The following PLEKHG4B variants were observed in gnomAD, a reference collection of about 807,000 sequenced individuals.
PLEKHG4B encodes pleckstrin homology and RhoGEF domain containing G4B, also known as pleckstrin homology domain-containing family G member 4B.
PLEKHG4B carries 111 observed loss-of-function variants against 121.3 expected under a neutral mutation model. The ratio of observed to expected loss-of-function variants is 0.92; its 90% confidence interval spans 0.78 to 1.07. The LOEUF is 1.07. Ranked by LOEUF, PLEKHG4B falls within the 50% of genes least tolerant of loss-of-function variation. PLEKHG4B has a pLI of 0.00. For missense variants in PLEKHG4B, 1,831 were observed against 1,757.8 expected (o/e 1.04, Z -0.74); for synonymous variants, 738 against 725.0 (o/e 1.02, Z -0.29).
Position 140,695 on chromosome 5 carries a change from C to T in PLEKHG4B, c.1456C>T (p.Pro486Ser). 3 of 1,578,652 alleles carry T rather than the reference C, an allele frequency of 1.9e-6. No homozygotes were observed. The highest frequency in any genetic ancestry group is 2.6e-6 in the Non-Finnish European group (3 of 1,162,642). ...GTPNCVPVEG[P>S]GCTKEEDVLA... ...CCCAAACTGTGTCCCAGTAGAGGGT[C>T]CCGGCTGCACCAAAGAGGAAGGTAA... is the stretch of plus-strand genomic sequence containing the variant. Residue 486 changes from proline (P) to serine (S), a missense_variant, in exon 3 of 20, where the codon CCC (proline) becomes TCC (serine). Physicochemically the swap from Pro to Ser is moderately conservative, Grantham distance 74. Coordinates refer to ENST00000637938, the MANE Select transcript of PLEKHG4B (RefSeq NM_052909.5).
In PLEKHG4B at chr5:187,664, C is replaced by T. The variant is rs967141523; in HGVS notation, c.*5341C>T. 2.6e-5 allele frequency: 4 copies of T among 152,432 alleles called. No homozygotes were observed. Among genetic ancestry groups the T allele is most frequent in the Non-Finnish European group, 5.9e-5 (4 of 68,210 alleles). 9.4% of individuals were successfully genotyped at this position (152,432 alleles called of 1,614,324 possible). On this transcript the variant is annotated 3_prime_UTR_variant, in exon 20 of 20. Coordinates refer to ENST00000637938, the MANE Select transcript of PLEKHG4B (RefSeq NM_052909.5). ...GCCAAGGGGAGCTCACATCGCCTGG[C>T]CTGCCGCCACCACCAGGCTGCCTGA...
At chr5:109,215 C>CCCCA (rs1195410010) in intron 1 of PLEKHG4B, among the ~76,000 whole-genome samples, 5 of 151,924 alleles carry the variant, frequency 3.3e-5, no homozygotes, top group African/African-American at 1.2e-4. Context: ...CATGGTGAAA[C>CCCCA]CCCATCTCTA....
At position 163,323 on chromosome 5, in the gene PLEKHG4B, A is replaced by C; in HGVS notation, c.3251A>C (p.Gln1084Pro). Reference sequence around the variant, plus strand: ...CAGAAGAAAATGATAAAGAAAACGCAAAGTTTCGAGATACCTCAGCCCGAC... The same window carrying C: ...CAGAAGAAAATGATAAAGAAAACGCCAAGTTTCGAGATACCTCAGCCCGAC... ...HPQKKMIKKT[Q>P]SFEIPQPDSG... The change falls in exon 13 of 20, where the codon CAA becomes CCA. Residue 1084 changes from glutamine (Q) to proline (P), a missense_variant. By Grantham distance (76) the Gln-to-Pro change is moderately conservative. Coordinates refer to ENST00000637938, the MANE Select transcript of PLEKHG4B (RefSeq NM_052909.5). 2 of 1,613,426 alleles carry C rather than the reference A, an allele frequency of 1.2e-6. No homozygotes were observed. The highest frequency in any genetic ancestry group is 1.6e-4 in the Middle Eastern group (1 of 6,062).
intron 2 of PLEKHG4B, among the ~76,000 whole-genome samples, chr5:131,090 T>C (rs1264711136): frequency 2.0e-5 from 3 of 151,822 alleles, no homozygotes; most frequent in African/African-American, 7.3e-5. Context: ...CCCACGCCTC[T>C]GCAAGTTCCC....
chr5:140,081 C>G lies in PLEKHG4B; in HGVS notation c.842C>G (p.Ser281Cys), dbSNP rs1735108759. Residue 281 changes from serine to cysteine, a missense_variant, in exon 3 of 20, where the codon TCT becomes TGT. By Grantham distance (112) the Ser-to-Cys change is moderately radical (BLOSUM62 -1). Coordinates refer to ENST00000637938, the MANE Select transcript of PLEKHG4B (RefSeq NM_052909.5). Reference protein sequence around the residue: ...RAELGSPRTLSGSSDRDFEKV... With the variant: ...RAELGSPRTLCGSSDRDFEKV... ...GAGCTGGGAAGCCCCAGGACCCTGT[C>G]TGGAAGCTCAGACAGGGACTTCGAA... 2.1e-6 allele frequency: 1 copy of G among 473,580 alleles called. No individual in the cohort carries two copies. Among genetic ancestry groups the G allele is most frequent in the Non-Finnish European group, 3.7e-6 (1 of 271,624 alleles). 29.3% of individuals were successfully genotyped at this position (473,580 alleles called of 1,614,324 possible).
chr5:96,004 T>A (rs1289602148), intron 1 of PLEKHG4B, among the ~76,000 whole-genome samples: 1 of 152,256 alleles, frequency 6.6e-6, no homozygotes, highest in South Asian at 2.1e-4. Context: ...CATACTTCCC[T>A]GCATTCACTG....
intron 2 of PLEKHG4B, among the ~76,000 whole-genome samples, chr5:118,573 T>C (rs1207764785): frequency 2.0e-5 from 3 of 152,230 alleles, no homozygotes; most frequent in Non-Finnish European, 2.9e-5. Context: ...CTAACTTCAA[T>C]TAATATTTTA....
intron 1 of PLEKHG4B, among the ~76,000 whole-genome samples, chr5:100,871 A>G (rs1257072926): frequency 1.1e-4 from 12 of 112,798 alleles, no homozygotes; most frequent in Admixed American, 7.4e-4. Flanking sequence ...AGCCCTGGAA[A>G]AAGTCTGTAG....
Position 189,714 on chromosome 5 carries a change from A to T in PLEKHG4B, c.*7391A>T, listed in dbSNP as rs1425929619. 1 of 152,050 alleles carries T rather than the reference A, an allele frequency of 6.6e-6. No individual in the cohort carries two copies. Among genetic ancestry groups the T allele is most frequent in the Non-Finnish European group, 1.5e-5 (1 of 68,058 alleles). The allele number at this position is 152,050 out of a possible 1,614,324, so 9.4% of individuals were successfully genotyped here. A position where few individuals can be genotyped will look rare whatever the true frequency, so the allele number is the denominator to read the frequency against. On this transcript the variant is annotated 3_prime_UTR_variant, in exon 20 of 20. Coordinates refer to ENST00000637938, the MANE Select transcript of PLEKHG4B (RefSeq NM_052909.5). Reference sequence around the variant, plus strand: ...GAAGGGAAAACAGTAAGCGAGAGGGAGGCTGCAGGGGCCCAGACCTTGGCT... The same window carrying T: ...GAAGGGAAAACAGTAAGCGAGAGGGTGGCTGCAGGGGCCCAGACCTTGGCT...
intron 3 of PLEKHG4B, among the ~76,000 whole-genome samples, chr5:142,751 G>C (rs1735260301): frequency 6.6e-6 from 1 of 152,218 alleles, no homozygotes; most frequent in Non-Finnish European, 1.5e-5. Context: ...GCTGCACTTT[G>C]AGCAGATGAG....
At position 162,772 on chromosome 5, in the gene PLEKHG4B, C is replaced by T. The variant is rs144989952; in HGVS notation, c.2700C>T (p.Pro900=). The T allele has an allele frequency of 1.4e-4, 202 of 1,480,640 alleles. 1 individual carries two copies. Among genetic ancestry groups the T allele is most frequent in the Middle Eastern group, 1.9e-4 (1 of 5,200 alleles). The allele number at this position is 1,480,640 out of a possible 1,614,324, so 91.7% of individuals were successfully genotyped here. A position where few individuals can be genotyped will look rare whatever the true frequency, so the allele number is the denominator to read the frequency against. ...ACCCGGAGGCTTGTCCCTCCTCACC[C>T]GTGGCTGAGTGTTTGAGGAGCTGTC... ...PLDPEACPSS[P]VAECLRSCHQ... Residue 900 remains proline, a synonymous_variant, in exon 13 of 20, where the codon CCC becomes CCT. Coordinates refer to ENST00000637938, the MANE Select transcript of PLEKHG4B (RefSeq NM_052909.5).
intron 2 of PLEKHG4B, among the ~76,000 whole-genome samples, chr5:118,651 A>T (rs1393000874): frequency 6.6e-6 from 1 of 152,150 alleles, no homozygotes. Context: ...ACTTCCTCTC[A>T]TGAATCTTAA....
rs1266824125 is a variant in PLEKHG4B, at chr5:186,188, A to C, written c.*3865A>C. On this transcript the variant is annotated 3_prime_UTR_variant, in exon 20 of 20. Transcript: ENST00000637938. Reference sequence around the variant, plus strand: ...TGTGAAACAGAGGCTTCCTGCTGGCAGAAGAGGCCCACCGAGTTACGTCCA... The same window carrying C: ...TGTGAAACAGAGGCTTCCTGCTGGCCGAAGAGGCCCACCGAGTTACGTCCA... The C allele has an allele frequency of 6.6e-6, 1 of 152,176 alleles. No homozygotes were observed. Among genetic ancestry groups the C allele is most frequent in the Non-Finnish European group, 1.5e-5 (1 of 68,038 alleles). 9.4% of individuals were successfully genotyped at this position (152,176 alleles called of 1,614,324 possible). A position where few individuals can be genotyped will look rare whatever the true frequency, so the allele number is the denominator to read the frequency against.
intron 13 of PLEKHG4B, 39 bp from the exon 14 acceptor site, chr5:169,301 G>T (rs1215540365): frequency 2.5e-6 from 4 of 1,609,494 alleles, no homozygotes; most frequent in African/African-American, 1.3e-5. Flanking sequence ...AAGTGTCCGT[G>T]GGGGGCCGTG....
chr5:113,854 A>G lies in PLEKHG4B; in HGVS notation c.243+406A>G, dbSNP rs1734229692. On this transcript the variant is annotated intron_variant, in intron 2 of 19. Coordinates refer to ENST00000637938, the MANE Select transcript of PLEKHG4B (RefSeq NM_052909.5). This position sits in a 1 kb window ranked among gnomAD's most constrained non-coding sequence, Gnocchi z 5.2. ...CAATGAAGGCCCACCTGGAAGGGAT[A>G]GTAGTGAGAACCTCAGAGCTAAGTC... Among the ~76,000 whole-genome samples, 1 of 152,000 alleles carries G rather than the reference A, an allele frequency of 6.6e-6. No individual in the cohort carries two copies. Among genetic ancestry groups the G allele is most frequent in the Admixed American group, 6.6e-5 (1 of 15,262 alleles).
At chr5:105,274 G>T (rs1733944958) in intron 1 of PLEKHG4B, among the ~76,000 whole-genome samples, 1 of 152,254 alleles carries the variant, frequency 6.6e-6, no homozygotes, top group African/African-American at 2.4e-5. Context: ...GTGGCTGGGG[G>T]CCCTGCTCAG....
At chr5:170,972 C>G in intron 14 of PLEKHG4B, 71 bp from the exon 15 acceptor site, 1 of 1,312,764 alleles carries the variant, frequency 7.6e-7, no homozygotes, top group Non-Finnish European at 1.1e-6. Flanking sequence ...CAAGTCTGAC[C>G]CGGGCTGCGG....
chr5:175,353 T>C (rs549999112), intron 18 of PLEKHG4B, among the ~76,000 whole-genome samples: 1 of 152,086 alleles, frequency 6.6e-6, no homozygotes, highest in Non-Finnish European at 1.5e-5. Flanking sequence ...TGACTCTCTG[T>C]GCTTATTCCT....
At chr5:155,596 G>C (rs1735748689) in intron 9 of PLEKHG4B, among the ~76,000 whole-genome samples, 153 bp downstream of exon 9, 1 of 152,188 alleles carries the variant, frequency 6.6e-6, no homozygotes, top group Non-Finnish European at 1.5e-5. Context: ...TCTTAATTCA[G>C]AAAAGGCCAT....
Sources: allele counts gnomAD v4.1 joint callset (sites outside exome capture counted in the v4.1 genomes callset), GRCh38; gene constraint gnomAD v4.1.1; non-coding constraint Gnocchi (gnomAD v3.1); transcripts MANE v1.5; gene names NCBI Gene and HGNC (gene_info 2026-07-23, HGNC 2026-07-21).